CCDC149: variants seen among roughly 807,000 people sequenced by gnomAD.
CCDC149 encodes coiled-coil domain-containing protein 149.
A neutral mutation model predicts 59.9 loss-of-function variants in CCDC149; 45 were observed. The ratio of observed to expected loss-of-function variants is 0.75; its 90% CI spans 0.59 to 0.96. The LOEUF (loss-of-function observed/expected upper bound fraction) is 0.96, where lower values mean the gene tolerates loss of function less well. CCDC149 is among the 40% of genes least tolerant of loss of function. The pLI, the probability that CCDC149 is intolerant of heterozygous loss-of-function variation, is 0.00. For synonymous variants in CCDC149, 245 were observed against 260.6 expected (o/e 0.94, Z 0.58); for missense variants, 584 against 664.7 (o/e 0.88, Z 1.33).
chr4:24,805,761 C>T (rs934810420), downstream of CCDC149, among the ~76,000 whole-genome samples: 1 of 152,222 alleles, frequency 6.6e-6, no homozygotes, highest in Non-Finnish European at 1.5e-5. Context: ...GTTTCTCGCT[C>T]TTGAAACACA....
intron 7 of CCDC149, among the ~76,000 whole-genome samples, chr4:24,836,086 T>C (rs970097040): frequency 2.6e-5 from 4 of 152,238 alleles, no homozygotes; most frequent in African/African-American, 9.6e-5. Flanking sequence ...TGAGTGAACA[T>C]GTTATAGAGA....
chr4:24,896,500 G>GA (rs1720853902), intron 1 of CCDC149, among the ~76,000 whole-genome samples: 1 of 152,204 alleles, frequency 6.6e-6, no homozygotes, highest in African/African-American at 2.4e-5. Flanking sequence ...TTCTAGAGCA[G>GA]AAGAGAGTTA....
chr4:24,968,399 T>C (rs938322031), intron 1 of CCDC149, among the ~76,000 whole-genome samples: 1 of 152,166 alleles, frequency 6.6e-6, no homozygotes. Context: ...GGGTAACAAA[T>C]TCCCAGACTG....
chr4:24,837,380 G>A lies in CCDC149; in HGVS notation c.510C>T (p.Asp170=), dbSNP rs1716611000. The change falls in exon 6 of 13, where the codon GAC becomes GAT. Residue 170 remains aspartate (D), a synonymous_variant. Transcript: ENST00000635206. The surrounding 1 kb of genome is among the most constrained non-coding windows in gnomAD (Gnocchi z 4.3). ...GAAGCTCGTCCACAGAAGCCTGCAG[G>A]TCGTGCTCCAGAGACTCAATCTAAA... 16 of 1,614,152 alleles carry A rather than the reference G, an allele frequency of 9.9e-6. No individual in the cohort carries two copies. Among genetic ancestry groups the A allele is most frequent in the Non-Finnish European group, 1.3e-5 (15 of 1,180,016 alleles).
intron 1 of CCDC149, among the ~76,000 whole-genome samples, chr4:24,908,039 T>C (rs1360717462): frequency 2.6e-5 from 4 of 152,198 alleles, no homozygotes; most frequent in Non-Finnish European, 5.9e-5. Context: ...CACCAGGTCA[T>C]TGGATTAGAG....
intron 1 of CCDC149, among the ~76,000 whole-genome samples, chr4:24,929,346 TG>T (rs2109340935): frequency 6.6e-6 from 1 of 152,326 alleles, no homozygotes; most frequent in South Asian, 2.1e-4. Context: ...GAAAGATTTC[TG>T]GGTAGATGAG....
At chr4:24,957,347 C>T (rs764374837) in intron 1 of CCDC149, among the ~76,000 whole-genome samples, 24 of 152,180 alleles carry the variant, frequency 1.6e-4, no homozygotes, top group Non-Finnish European at 2.1e-4. Context: ...CATTGACTCT[C>T]CTCTTTAAGC....
At chr4:24,815,929 T>A (rs1714988016) in intron 12 of CCDC149, among the ~76,000 whole-genome samples, 1 of 152,170 alleles carries the variant, frequency 6.6e-6, no homozygotes, top group Non-Finnish European at 1.5e-5. Flanking sequence ...GAACTCAGGC[T>A]GTAATCCTAC....
intron 1 of CCDC149, among the ~76,000 whole-genome samples, chr4:24,948,051 G>A (rs1012367363): frequency 6.6e-6 from 1 of 152,144 alleles, no homozygotes; most frequent in African/African-American, 2.4e-5. Context: ...GTTCATGGAC[G>A]TTACTTTAAC....
intron 1 of CCDC149, among the ~76,000 whole-genome samples, chr4:24,973,259 C>T (rs1306689729): frequency 6.6e-6 from 1 of 152,170 alleles, no homozygotes; most frequent in Non-Finnish European, 1.5e-5. Context: ...ACCTTGGGCA[C>T]ATATTCTCAG....
At position 24,837,212 on chromosome 4, in the gene CCDC149, G is replaced by A; in HGVS notation, c.662+16C>T. The A allele has an allele frequency of 6.2e-7, 1 of 1,613,640 alleles. No homozygotes were observed. Among genetic ancestry groups the A allele is most frequent in the South Asian group, 1.1e-5 (1 of 91,024 alleles). On this transcript the variant is annotated intron_variant, in intron 6 of 12. Coordinates refer to ENST00000635206, the MANE Select transcript of CCDC149 (RefSeq NM_001330643.2). The surrounding 1 kb of genome is among the most constrained non-coding windows in gnomAD (Gnocchi z 4.3). ...CAGCCTTCCTCCCACGCACAGGCCT[G>A]GGCCTGGCCACTTGCCTGTTCTCCA...
intron 1 of CCDC149, among the ~76,000 whole-genome samples, chr4:24,947,324 A>G (rs1258891647): frequency 6.6e-6 from 1 of 152,148 alleles, no homozygotes; most frequent in African/African-American, 2.4e-5. Context: ...TGATGGTTTT[A>G]TAAGGGGCTT....
intron 1 of CCDC149, among the ~76,000 whole-genome samples, chr4:24,888,099 T>C (rs1325632726): frequency 6.6e-6 from 1 of 152,106 alleles, no homozygotes; most frequent in Non-Finnish European, 1.5e-5. Flanking sequence ...TCACACACCC[T>C]GTATCGCAGC....
intron 1 of CCDC149, among the ~76,000 whole-genome samples, chr4:24,961,574 A>G (rs1262224240): frequency 6.6e-6 from 1 of 152,242 alleles, no homozygotes; most frequent in Non-Finnish European, 1.5e-5. Context: ...ACAAGGCTAC[A>G]GTAACCAAAA....
chr4:24,914,120 C>T (rs1193469964), upstream of CCDC149, among the ~76,000 whole-genome samples: 1 of 152,132 alleles, frequency 6.6e-6, no homozygotes, highest in Non-Finnish European at 1.5e-5. Context: ...ATGTTATCCT[C>T]ATTTATTAGA....
At chr4:24,960,621 T>C (rs140358427) in intron 1 of CCDC149, among the ~76,000 whole-genome samples, 437 of 152,276 alleles carry the variant, frequency 2.9e-3, no homozygotes, top group African/African-American at 9.9e-3. Context: ...GAATATCACA[T>C]AAAATGTATT....
intron 3 of CCDC149, among the ~76,000 whole-genome samples, chr4:24,855,724 A>G (rs1402456364): frequency 6.6e-6 from 1 of 152,218 alleles, no homozygotes; most frequent in Non-Finnish European, 1.5e-5. Context: ...CAAAGCTCCC[A>G]TCTTGTAATA....
At chr4:24,838,024 G>T in intron 5 of CCDC149, 132 bp downstream of exon 5, 1 of 769,170 alleles carries the variant, frequency 1.3e-6, no homozygotes, top group Non-Finnish European at 2.3e-6. Context: ...GCAGTGCTGA[G>T]GAAGTAAAAG....
rs565168029 is a variant in CCDC149, at chr4:24,958,892, G to A, written c.-65+21177C>T. ...ACTAAAATTATAGCCAGGTGTGGTG[G>A]CACACACCTGTAATCTCAGCTACTC... is the stretch of plus-strand genomic sequence containing the variant. On this transcript the variant is annotated intron_variant, in intron 1 of 12. Transcript: ENST00000389609. Among the ~76,000 whole-genome samples, 8 of 152,170 alleles carry A rather than the reference G, an allele frequency of 5.3e-5. 1 individual carries two copies. In the South Asian group the frequency reaches 1.5e-3, roughly 28 times the overall value.
Sources: allele counts gnomAD v4.1 joint callset (sites outside exome capture counted in the v4.1 genomes callset), GRCh38; gene constraint gnomAD v4.1.1; non-coding constraint Gnocchi (gnomAD v3.1); transcripts MANE v1.5; gene names NCBI Gene and HGNC (gene_info 2026-07-23, HGNC 2026-07-21).